Variants in PEX5 observed in about 807,000 individuals in gnomAD.
The protein encoded by PEX5 is PTS1 receptor.
Under a neutral mutation model 82.9 loss-of-function variants are expected in PEX5, and 52 were observed. That is an observed-to-expected ratio of 0.63 (90% CI 0.50 to 0.79). The LOEUF is 0.79. Ranked by LOEUF, PEX5 falls within the 30% of genes least tolerant of loss-of-function variation. The pLI is 0.00. For missense variants in PEX5, 719 were observed against 815.2 expected, an observed-to-expected ratio of 0.88 and a Z score of 1.44; for synonymous variants, 300 against 318.8, an observed-to-expected ratio of 0.94 and a Z score of 0.63.
Position 7,210,258 on chromosome 12 carries a change from G to A in PEX5, c.*35G>A, listed in dbSNP as rs1565725440. Reference sequence around the variant, plus strand: ...GGGCTGCCCTGTGAGTGTCCACCTGGAGGGATCCCCGCTTTGGATGTGATT... The same window carrying A: ...GGGCTGCCCTGTGAGTGTCCACCTGAAGGGATCCCCGCTTTGGATGTGATT... On this transcript the variant is annotated 3_prime_UTR_variant, in exon 16 of 16. Transcript: ENST00000675855. 2 of 1,593,536 alleles carry A rather than the reference G, an allele frequency of 1.3e-6. No homozygotes were observed. The highest frequency in any genetic ancestry group is 1.7e-6 in the Non-Finnish European group (2 of 1,162,366).
In PEX5 at chr12:7,191,582, A is replaced by T; in HGVS notation, c.330A>T (p.Ala110=). The T allele has an allele frequency of 6.2e-7, 1 of 1,614,110 alleles. No homozygotes were observed. The highest frequency in any genetic ancestry group is 8.5e-7 in the Non-Finnish European group (1 of 1,179,996). ...RQAPQRAPGV[A]DLALSENWAQ... ...CTCTCTTTTAAGCCCCTGGTGTGGC[A>T]GACTTGGCCTTGTCTGAGAACTGGG... Residue 110 remains alanine, a synonymous_variant, in exon 5 of 16, where the codon GCA becomes GCT. Coordinates refer to ENST00000675855, the MANE Select transcript of PEX5 (RefSeq NM_001351132.2).
At chr12:7,201,908 C>T in intron 7 of PEX5, 67 bp downstream of exon 7, 1 of 1,140,596 alleles carries the variant, frequency 8.8e-7, no homozygotes. Context: ...TCTTGCTTTT[C>T]TTACCCCAGT....
At chr12:7,209,956 C>T (rs1028549084) in intron 15 of PEX5, 66 bp from the exon 16 acceptor site, 32 of 1,596,338 alleles carry the variant, frequency 2.0e-5, no homozygotes, top group African/African-American at 4.0e-5. Context: ...CCTCCCACTG[C>T]TAGCTGACCT....
At chr12:7,201,714 C>A in intron 6 of PEX5, 37 bp from the exon 7 acceptor site, 2 of 1,413,668 alleles carry the variant, frequency 1.4e-6, no homozygotes, top group Non-Finnish European at 2.0e-6. Flanking sequence ...AGGGTGATGG[C>A]AGACTAATGT....
chr12:7,191,486 T>TGGTGGGAGGGGAGA, intron 4 of PEX5, 83 bp from the exon 5 acceptor site: 1 of 1,598,838 alleles, frequency 6.3e-7, no homozygotes, highest in Non-Finnish European at 8.6e-7. Flanking sequence ...AACAGAGTGT[T>TGGTGGGAGGGGAGA]TTCACGTGGA....
chr12:7,199,075 G>A lies in PEX5; in HGVS notation c.513G>A (p.Leu171=), dbSNP rs1943244730. The A allele has an allele frequency of 8.1e-6, 13 of 1,609,362 alleles. No homozygotes were observed. Among genetic ancestry groups the A allele is most frequent in the Non-Finnish European group, 1.0e-5 (12 of 1,177,586 alleles). Residue 171 remains leucine, a synonymous_variant, in exon 6 of 16, where the codon CTG becomes CTA. Transcript: ENST00000675855. ...ATTTGGAGCAATCAGAGGAGAAGCTGTGGCTGGGAGAACCTGAGGGAACAG... is the reference window on the plus strand; with the variant it reads ...ATTTGGAGCAATCAGAGGAGAAGCTATGGCTGGGAGAACCTGAGGGAACAG... ...EEYLEQSEEK[L]WLGEPEGTAT...
downstream of PEX5, among the ~76,000 whole-genome samples, chr12:7,214,871 T>C (rs1245298031): frequency 6.6e-6 from 1 of 152,120 alleles, no homozygotes; most frequent in Non-Finnish European, 1.5e-5. Flanking sequence ...CTGATAATGA[T>C]ATCAGTATTA....
intron 5 of PEX5, among the ~76,000 whole-genome samples, chr12:7,197,000 TAATTATATATGTCACATATAATGTAATTA>T (rs1306093343): frequency 6.4e-5 from 1 of 15,744 alleles, no homozygotes; most frequent in African/African-American, 1.6e-4. Context: ...TATAATGTAA[TAATTATATATGTCACATATAATGTAATTA>T]TATATGTCAC....
intron 5 of PEX5, 77 bp from the exon 6 acceptor site, chr12:7,198,934 A>G (rs1943217615): frequency 1.3e-6 from 1 of 772,820 alleles, no homozygotes; most frequent in Non-Finnish European, 2.2e-6. Flanking sequence ...TCAGTTGAAT[A>G]TGGGCATCTC....
chr12:7,205,440 T>C (rs1944649909), intron 10 of PEX5, among the ~76,000 whole-genome samples: 1 of 152,236 alleles, frequency 6.6e-6, no homozygotes, highest in Admixed American at 6.5e-5. Context: ...GCCCTTATAT[T>C]TTCAGAGACA....
intron 12 of PEX5, 88 bp downstream of exon 12, chr12:7,208,168 T>C (rs763325179): frequency 9.9e-7 from 1 of 1,006,814 alleles, no homozygotes; most frequent in Non-Finnish European, 1.6e-6. Flanking sequence ...TGGATCCTTG[T>C]CTTCTTTCTG....
At chr12:7,203,176 A>ATG (rs1944324959) in intron 9 of PEX5, among the ~76,000 whole-genome samples, 1 of 41,176 alleles carries the variant, frequency 2.4e-5, no homozygotes, top group African/African-American at 5.6e-5. Context: ...AAACTAAACT[A>ATG]AACTATGCAC....
At chr12:7,206,539 T>C (rs1944818909) in intron 10 of PEX5, among the ~76,000 whole-genome samples, 2 of 151,716 alleles carry the variant, frequency 1.3e-5, no homozygotes, top group South Asian at 4.2e-4. Context: ...ACACTTGTTT[T>C]CAATATAAAT....
At chr12:7,194,380 T>G (rs937258221) in intron 5 of PEX5, among the ~76,000 whole-genome samples, 9 of 152,202 alleles carry the variant, frequency 5.9e-5, no homozygotes, top group African/African-American at 2.2e-4. Flanking sequence ...GTGGTAACAT[T>G]TTACATAGCA....
rs1337524967 is a variant in PEX5, at chr12:7,199,810, CGGGGCGGCTGGCCGGGCGGGGGGCTG to C, written c.551+698_551+723del. ...GCAGAGGCGCCCCTCACCTTCTGGA[CGGGGCGGCTGGCCGGGCGGGGGGCTG>C]ACCCCCACCTCCCTCCCGGACGGGG... is the stretch of plus-strand genomic sequence containing the variant. On this transcript the variant is annotated intron_variant, in intron 6 of 15. Transcript: ENST00000675855. 4.5e-3 allele frequency among the ~76,000 whole-genome samples: 659 copies of C among 145,882 alleles called. 10 individuals are homozygous for C. Among genetic ancestry groups the C allele is most frequent in the African/African-American group, 0.015 (616 of 39,828 alleles).
At chr12:7,203,287 T>C in intron 9 of PEX5, 145 bp from the exon 10 acceptor site, 1 of 897,728 alleles carries the variant, frequency 1.1e-6, no homozygotes, top group Non-Finnish European at 1.6e-6. Flanking sequence ...ATCTGGCCAT[T>C]TGCATTTTAA....
chr12:7,218,246 A>G (rs1291726903), intron 17 of PEX5, among the ~76,000 whole-genome samples: 1 of 152,200 alleles, frequency 6.6e-6, no homozygotes, highest in Non-Finnish European at 1.5e-5. Context: ...TCTTTCTTAT[A>G]TCAACTAAAG....
In PEX5 at chr12:7,199,209, C is replaced by CTTTTT. The variant is rs5796268; in HGVS notation, c.551+110_551+114dup. ...CGTTCTCGAACCAACTTACTTTATT[C>CTTTTT]TTTTTTTTTTTTTTTTTTATCATTC... On this transcript the variant is annotated intron_variant, in intron 6 of 15. Transcript: ENST00000675855. 2.8e-5 allele frequency: 11 copies of CTTTTT among 396,768 alleles called. 1 individual carries two copies. Among genetic ancestry groups the CTTTTT allele is most frequent in the Admixed American group, 7.1e-5 (2 of 28,062 alleles). The allele number at this position is 396,768 out of a possible 1,614,324, so 24.6% of individuals were successfully genotyped here.
chr12:7,191,805 A>G, intron 5 of PEX5, 105 bp downstream of exon 5: 2 of 1,085,872 alleles, frequency 1.8e-6, no homozygotes, highest in Non-Finnish European at 2.8e-6. Flanking sequence ...TGGTCTCATG[A>G]CTCATTTCTA....
Sources: gnomAD v4.1 joint callset for allele counts (sites outside exome capture counted in the v4.1 genomes callset) on GRCh38, gnomAD v4.1.1 for gene constraint, MANE v1.5 for transcripts, NCBI Gene and HGNC (gene_info 2026-07-23, HGNC 2026-07-21) for gene names.